The following ZNF529 variants were observed in gnomAD, a reference collection of about 807,000 sequenced individuals.
ZNF529 encodes the protein zinc finger protein 529.
In ZNF529, 11 loss-of-function variants were observed where a neutral mutation model predicts 10.1. The ratio of observed to expected loss-of-function variants is 1.09; its 90% CI spans 0.69 to 1.81. The LOEUF is 1.81. ZNF529 is among the 40% of genes most tolerant of loss of function. ZNF529 has a pLI of 0.00. For synonymous variants in ZNF529, 204 were observed against 215.7 expected, an observed-to-expected ratio of 0.95 and a Z score of 0.47; for missense variants, 624 against 666.8, an observed-to-expected ratio of 0.94 and a Z score of 0.71.
chr19:36,559,404 GT>G (rs1461809280), intron 2 of ZNF529, among the ~76,000 whole-genome samples: 1 of 152,208 alleles, frequency 6.6e-6, no homozygotes, highest in African/African-American at 2.4e-5. Flanking sequence ...CACCTCCCGG[GT>G]TCAAGCAATT....
chr19:36,549,816 A>G (rs1199705581), intron 4 of ZNF529, among the ~76,000 whole-genome samples: 1 of 151,914 alleles, frequency 6.6e-6, no homozygotes, highest in Non-Finnish European at 1.5e-5. Context: ...ATTCCTTTCC[A>G]TTTTCTTATA....
intron 1 of ZNF529, among the ~76,000 whole-genome samples, chr19:36,592,401 C>A (rs1369037544): frequency 6.6e-6 from 1 of 151,506 alleles, no homozygotes; most frequent in Admixed American, 6.6e-5. Flanking sequence ...CAAGACCACC[C>A]TGGGCAACAT....
chr19:36,591,132 C>G (rs561636087), intron 1 of ZNF529, among the ~76,000 whole-genome samples: 3 of 151,122 alleles, frequency 2.0e-5, no homozygotes, highest in South Asian at 4.2e-4. Context: ...AACCCCATCT[C>G]TACTAAAAAT....
intron 2 of ZNF529, chr19:36,587,389 A>C (rs2036605506): frequency 6.6e-6 from 1 of 152,074 alleles, no homozygotes; most frequent in African/African-American, 2.4e-5. Context: ...TTGAGAAATA[A>C]AAACTCTTTT....
At chr19:36,591,710 G>T (rs1010798040) in intron 1 of ZNF529, among the ~76,000 whole-genome samples, 1 of 142,250 alleles carries the variant, frequency 7.0e-6, no homozygotes, top group African/African-American at 2.7e-5. Flanking sequence ...GGGCGACAGA[G>T]CGAAACTCCA....
intron 2 of ZNF529, among the ~76,000 whole-genome samples, chr19:36,557,899 T>C (rs555204428): frequency 6.6e-6 from 1 of 152,308 alleles, no homozygotes; most frequent in South Asian, 2.1e-4. Flanking sequence ...TTATAATACA[T>C]ATTCAGGTAG....
In ZNF529 at chr19:36,561,495, G is replaced by C. The variant is rs1359392142; in HGVS notation, c.15-5298C>G. Among the ~76,000 whole-genome samples, 6 of 148,512 alleles carry C rather than the reference G, an allele frequency of 4.0e-5. No homozygotes were observed. The East Asian group carries it at 1.2e-3, about 30-fold the overall frequency. On this transcript the variant is annotated intron_variant, in intron 2 of 4. Transcript: ENST00000591340. Reference sequence around the variant, plus strand: ...CCTCCCCGGCTCAAGCAATTCTTTTGTCTCAGCCTCCCAAATAGCTGGGAT... The same window carrying C: ...CCTCCCCGGCTCAAGCAATTCTTTTCTCTCAGCCTCCCAAATAGCTGGGAT...
At chr19:36,578,291 C>CTCTTTTT (rs1568609715), upstream of ZNF529, among the ~76,000 whole-genome samples, 1 of 31,794 alleles carries the variant, frequency 3.1e-5, no homozygotes, top group Non-Finnish European at 5.5e-5. Flanking sequence ...GTCTTGATCT[C>CTCTTTTT]TTTTTTTTTT....
chr19:36,574,275 A>G (rs1487279827), upstream of ZNF529, among the ~76,000 whole-genome samples: 1 of 152,206 alleles, frequency 6.6e-6, no homozygotes, highest in East Asian at 1.9e-4. Context: ...GGTCATAGGT[A>G]GATTCAAAGA....
intron 2 of ZNF529, among the ~76,000 whole-genome samples, chr19:36,560,381 T>C (rs2035643346): frequency 6.6e-6 from 1 of 152,150 alleles, no homozygotes; most frequent in African/African-American, 2.4e-5. Flanking sequence ...TGTACTTATG[T>C]ATTTATTGGG....
At position 36,547,208 on chromosome 19, in the gene ZNF529, A is replaced by G. The variant is rs1366295758; in HGVS notation, c.1350T>C (p.Tyr450=). The G allele has an allele frequency of 6.2e-7, 1 of 1,613,810 alleles. No homozygotes were observed. The highest frequency in any genetic ancestry group is 1.1e-5 in the South Asian group (1 of 91,072). Residue 450 remains tyrosine (Y), a synonymous_variant, in exon 5 of 5, where the codon TAT becomes TAC. Coordinates refer to ENST00000591340, the MANE Select transcript of ZNF529 (RefSeq NM_020951.5). ...HERIHSGQKP[Y]ECKECGKFFR... is the part of the protein sequence containing the mutation. ...AGAACTTTCCACACTCCTTACATTCATAAGGTTTTTGACCACTGTGAATTC... is the reference window on the plus strand; with the variant it reads ...AGAACTTTCCACACTCCTTACATTCGTAAGGTTTTTGACCACTGTGAATTC...
chr19:36,547,031 C>A lies in ZNF529; in HGVS notation c.1527G>T (p.Lys509Asn). Residue 509 changes from lysine (K) to asparagine (N), a missense_variant, in exon 5 of 5, where the codon AAG becomes AAT. By Grantham distance (94) the Lys-to-Asn change is moderately conservative. Coordinates refer to ENST00000591340, the MANE Select transcript of ZNF529 (RefSeq NM_020951.5). ...TATGTCTAAAGGCCTTCCCACATGC[C>A]TTGCATTCATAGGGTTTTTCTCCAG... ...IHTGEKPYECKACGKAFRHSS... is the reference protein window; with the variant it reads ...IHTGEKPYECNACGKAFRHSS... 1 of 1,613,712 alleles carries A rather than the reference C, an allele frequency of 6.2e-7. No individual in the cohort carries two copies. The highest frequency in any genetic ancestry group is 8.5e-7 in the Non-Finnish European group (1 of 1,179,888).
chr19:36,554,642 C>A, intron 4 of ZNF529, 28 bp downstream of exon 4: 1 of 1,515,258 alleles, frequency 6.6e-7, no homozygotes, highest in South Asian at 1.3e-5. Flanking sequence ...AGAGTATATT[C>A]TAAGTTATTT....
intron 1 of ZNF529, chr19:36,594,620 C>G (rs1371136011): frequency 6.6e-6 from 1 of 152,418 alleles, no homozygotes; most frequent in Non-Finnish European, 1.5e-5. Flanking sequence ...TCCAAGCCAC[C>G]TCAGCTGAAG....
At chr19:36,599,792 C>A (rs1406770354) in intron 1 of ZNF529, among the ~76,000 whole-genome samples, 1 of 151,938 alleles carries the variant, frequency 6.6e-6, no homozygotes, top group Admixed American at 6.6e-5. Flanking sequence ...AGCAAACAGG[C>A]TGGCAAAATG....
intron 4 of ZNF529, among the ~76,000 whole-genome samples, chr19:36,553,772 A>C (rs972685265): frequency 6.6e-6 from 1 of 152,266 alleles, no homozygotes; most frequent in Non-Finnish European, 1.5e-5. Context: ...CAGGTTGTAC[A>C]TGCCGAATCT....
chr19:36,565,123 A>C (rs1436864207), intron 2 of ZNF529, among the ~76,000 whole-genome samples: 5 of 152,202 alleles, frequency 3.3e-5, no homozygotes, highest in Non-Finnish European at 7.3e-5. Context: ...AAGAGTTGAA[A>C]AACTATTGGG....
chr19:36,565,050 T>C (rs1041149675), intron 2 of ZNF529, among the ~76,000 whole-genome samples: 1 of 151,896 alleles, frequency 6.6e-6, no homozygotes, highest in Non-Finnish European at 1.5e-5. Flanking sequence ...TGGGTACAAA[T>C]AGACATAAAT....
rs1333425351 is a variant in ZNF529 at position 36,554,079 on chromosome 19, A to G, written c.235+591T>C. Among the ~76,000 whole-genome samples the G allele has an allele frequency of 2.6e-5, 4 of 152,224 alleles. No individual in the cohort carries two copies. The East Asian group carries it at 7.7e-4, about 29-fold the overall frequency. Reference sequence around the variant, plus strand: ...TCATCCCAAGTATTTTGGATAAGGGATACTCAACCTGTAATGTCTCAATGA... The same window carrying G: ...TCATCCCAAGTATTTTGGATAAGGGGTACTCAACCTGTAATGTCTCAATGA... On this transcript the variant is annotated intron_variant, in intron 4 of 4. Transcript: ENST00000591340.
Sources: allele counts gnomAD v4.1 joint callset (sites outside exome capture counted in the v4.1 genomes callset), GRCh38; gene constraint gnomAD v4.1.1; transcripts MANE v1.5; gene names NCBI Gene and HGNC (gene_info 2026-07-23, HGNC 2026-07-21).